PGM5: variants seen among roughly 807,000 people sequenced by gnomAD.
PGM5 encodes phosphoglucomutase-like protein 5.
PGM5 carries 23 observed loss-of-function variants against 59.2 expected under a neutral mutation model. The observed-to-expected ratio is 0.39, with a 90% confidence interval of 0.28 to 0.55. The LOEUF (loss-of-function observed/expected upper bound fraction) is 0.55. PGM5 is among the 20% of genes least tolerant of loss of function. The pLI, the probability that PGM5 is intolerant of heterozygous loss-of-function variation, is 0.66. For synonymous variants in PGM5, 214 were observed against 286.0 expected (o/e 0.75, Z 2.54); for missense variants, 574 against 748.3 (o/e 0.77, Z 2.72).
At chr9:68,424,660 G>A (rs1465340610) in intron 6 of PGM5, among the ~76,000 whole-genome samples, 2 of 152,214 alleles carry the variant, frequency 1.3e-5, no homozygotes, top group African/African-American at 4.8e-5. Context: ...TTTGGAAAAG[G>A]ATGAAATAAA....
chr9:68,386,867 A>G (rs1318369764), intron 3 of PGM5, among the ~76,000 whole-genome samples: 1 of 152,056 alleles, frequency 6.6e-6, no homozygotes, highest in Non-Finnish European at 1.5e-5. Context: ...GTGTTTAATG[A>G]GAACTTCTAG....
intron 6 of PGM5, among the ~76,000 whole-genome samples, chr9:68,462,681 C>G (rs1823874965): frequency 6.6e-6 from 1 of 151,998 alleles, no homozygotes; most frequent in African/African-American, 2.4e-5. Flanking sequence ...AACATACATC[C>G]CCACACCCCG....
At chr9:68,452,173 G>A (rs1433906760) in intron 6 of PGM5, among the ~76,000 whole-genome samples, 1 of 152,140 alleles carries the variant, frequency 6.6e-6, no homozygotes, top group Non-Finnish European at 1.5e-5. Flanking sequence ...CCACAAGACT[G>A]TGCCCCTGAA....
intron 10 of PGM5, among the ~76,000 whole-genome samples, chr9:68,508,436 A>G (rs1824691836): frequency 1.3e-5 from 2 of 152,270 alleles, no homozygotes; most frequent in African/African-American, 2.4e-5. Context: ...AATAAATATA[A>G]GGAAACCTAA....
intron 9 of PGM5, among the ~76,000 whole-genome samples, chr9:68,485,051 T>A (rs1554687451): frequency 6.6e-6 from 1 of 152,222 alleles, no homozygotes; most frequent in African/African-American, 2.4e-5. Context: ...AAGGGAATGG[T>A]CTAATCCGCA....
At chr9:68,488,822 A>G (rs1389727241) in intron 9 of PGM5, among the ~76,000 whole-genome samples, 5 of 152,222 alleles carry the variant, frequency 3.3e-5, no homozygotes, top group Non-Finnish European at 7.3e-5. Flanking sequence ...TAGTCACATG[A>G]AGGACTGACT....
At chr9:68,465,480 T>C (rs1554685734) in intron 7 of PGM5, among the ~76,000 whole-genome samples, 3 of 152,158 alleles carry the variant, frequency 2.0e-5, no homozygotes, top group Non-Finnish European at 4.4e-5. Context: ...TGAATCCCCA[T>C]GTTACTGTCA....
chr9:68,451,259 C>T (rs969707110), intron 6 of PGM5, among the ~76,000 whole-genome samples: 1 of 152,156 alleles, frequency 6.6e-6, no homozygotes, highest in Non-Finnish European at 1.5e-5. Context: ...CGATTAACTG[C>T]GTAATTGAAT....
At chr9:68,410,818 A>C (rs1218575247) in intron 6 of PGM5, among the ~76,000 whole-genome samples, 2 of 152,214 alleles carry the variant, frequency 1.3e-5, no homozygotes, top group Admixed American at 6.5e-5. Context: ...ACTGAATTCC[A>C]AATGACATAA....
intron 10 of PGM5, among the ~76,000 whole-genome samples, chr9:68,510,704 C>T (rs1824735651): frequency 6.6e-6 from 1 of 152,174 alleles, no homozygotes; most frequent in African/African-American, 2.4e-5. Context: ...GTGACACAGC[C>T]TCAGGAGGTC....
In PGM5 at chr9:68,469,360, T is replaced by TA. The variant is rs75412526; in HGVS notation, c.1159+4162dup. ...CTTTCACAGAAATAATAGTGTTTTT[T>TA]AAAAAAAAAATGAGCACTTAGTATG... is the stretch of plus-strand genomic sequence containing the variant. On this transcript the variant is annotated intron_variant, in intron 7 of 10. Coordinates refer to ENST00000396396, the MANE Select transcript of PGM5 (RefSeq NM_021965.4). 4.4e-4 allele frequency among the ~76,000 whole-genome samples: 67 copies of TA among 151,184 alleles called. 1 individual carries two copies. Among genetic ancestry groups the TA allele is most frequent in the East Asian group, 2.9e-3 (15 of 5,166 alleles).
intron 7 of PGM5, among the ~76,000 whole-genome samples, chr9:68,468,631 T>G (rs1823973881): frequency 6.6e-6 from 1 of 152,208 alleles, no homozygotes; most frequent in African/African-American, 2.4e-5. Flanking sequence ...CCCTTCAGAA[T>G]TTTCTAATAA....
Position 68,483,954 on chromosome 9 carries a change from A to C in PGM5, c.1385A>C (p.Gln462Pro). Residue 462 changes from glutamine to proline, a missense_variant, in exon 9 of 11, where the codon CAG (glutamine) becomes CCG (proline). This residue lies in a region of PGM5 where 300 missense variants were observed against 280.0 expected (regional missense o/e 1.07). Transcript: ENST00000396396. ...GTCACAGACAAATCCTTCATTGGCC[A>C]GCAGTTTGCTGTGGGGAGCCATGTC... The part of the protein sequence containing the change: ...ALVTDKSFIG[Q>P]QFAVGSHVYS... 1 of 1,614,168 alleles carries C rather than the reference A, an allele frequency of 6.2e-7. No individual in the cohort carries two copies. Among genetic ancestry groups the C allele is most frequent in the Non-Finnish European group, 8.5e-7 (1 of 1,180,020 alleles).
At chr9:68,517,457 A>G (rs1302687283) in intron 10 of PGM5, among the ~76,000 whole-genome samples, 2 of 152,204 alleles carry the variant, frequency 1.3e-5, no homozygotes, top group Non-Finnish European at 2.9e-5. Context: ...TAATATTAAA[A>G]TTATTTCACT....
intron 10 of PGM5, among the ~76,000 whole-genome samples, chr9:68,522,478 C>A (rs1228631704): frequency 2.0e-5 from 3 of 152,072 alleles, no homozygotes; most frequent in Non-Finnish European, 4.4e-5. Flanking sequence ...CTGCTCCTAG[C>A]AGGAAAGAGA....
At chr9:68,520,511 T>C (rs1824885767) in intron 10 of PGM5, among the ~76,000 whole-genome samples, 1 of 152,146 alleles carries the variant, frequency 6.6e-6, no homozygotes, top group South Asian at 2.1e-4. Context: ...CATATAGATA[T>C]TACACCACGC....
intron 6 of PGM5, among the ~76,000 whole-genome samples, chr9:68,461,023 A>T (rs1359007049): frequency 6.6e-6 from 1 of 152,208 alleles, no homozygotes; most frequent in Admixed American, 6.5e-5. Context: ...TCATTAAGAT[A>T]GTGTCGCTGC....
intron 1 of PGM5, among the ~76,000 whole-genome samples, chr9:68,372,442 A>C (rs147340061): frequency 6.6e-6 from 1 of 151,850 alleles, no homozygotes; most frequent in Non-Finnish European, 1.5e-5. Flanking sequence ...CAAATTAACC[A>C]ATCTACCACC....
At chr9:68,366,292 A>ATCTATATG (rs1834676901) in intron 1 of PGM5, among the ~76,000 whole-genome samples, 1 of 152,094 alleles carries the variant, frequency 6.6e-6, no homozygotes, top group South Asian at 2.1e-4. Context: ...CTCAGAAAAA[A>ATCTATATG]TCTATATGTT....
Sources: allele counts gnomAD v4.1 joint callset (sites outside exome capture counted in the v4.1 genomes callset), GRCh38; gene constraint gnomAD v4.1.1; regional missense constraint gnomAD v4.1.1; transcripts MANE v1.5; gene names NCBI Gene and HGNC (gene_info 2026-07-23, HGNC 2026-07-21).